NLGN1: variants seen among roughly 807,000 people sequenced by gnomAD.
NLGN1 encodes neuroligin 1.
In NLGN1, 12 loss-of-function variants were observed where a neutral mutation model predicts 65.5. The ratio of observed to expected loss-of-function variants is 0.18; its 90% CI spans 0.12 to 0.30. The LOEUF (loss-of-function observed/expected upper bound fraction) is 0.30, where lower values mean the gene tolerates loss of function less well. NLGN1 is among the 10% of genes least tolerant of loss of function. The probability of loss-of-function intolerance (pLI) is 1.00; values close to 1 mark genes in which losing one functional copy is unlikely to be tolerated. For missense variants in NLGN1, 750 were observed against 1,007.1 expected (o/e 0.74, Z 3.46); for synonymous variants, 350 against 359.5 (o/e 0.97, Z 0.30).
At chr3:173,947,000 A>C (rs1185910682) in intron 4 of NLGN1, among the ~76,000 whole-genome samples, 1 of 151,790 alleles carries the variant, frequency 6.6e-6, no homozygotes, top group Non-Finnish European at 1.5e-5. Context: ...TGTGTAATGT[A>C]GTGAGCAGTG....
chr3:173,580,444 C>A (rs1746211395), intron 2 of NLGN1, among the ~76,000 whole-genome samples: 1 of 151,786 alleles, frequency 6.6e-6, no homozygotes, highest in South Asian at 2.1e-4. Context: ...ATTTCATTTT[C>A]TGAAGAAATT....
chr3:173,818,240 A>G (rs1719442186), intron 4 of NLGN1, among the ~76,000 whole-genome samples: 1 of 152,198 alleles, frequency 6.6e-6, no homozygotes, highest in Non-Finnish European at 1.5e-5. Flanking sequence ...GACATTAAAC[A>G]AATGAACAAA....
intron 4 of NLGN1, among the ~76,000 whole-genome samples, chr3:173,961,746 G>C (rs1713622762): frequency 6.6e-6 from 1 of 152,026 alleles, no homozygotes; most frequent in South Asian, 2.1e-4. Context: ...GAGGATTCAA[G>C]CTTCTAATGA....
At chr3:174,041,655 G>C (rs9829130) in intron 4 of NLGN1, among the ~76,000 whole-genome samples, 1 of 152,006 alleles carries the variant, frequency 6.6e-6, no homozygotes. Flanking sequence ...GTTTGGAGTG[G>C]TATCTCATTG....
At chr3:173,992,324 C>T (rs550109480) in intron 4 of NLGN1, among the ~76,000 whole-genome samples, 9 of 152,114 alleles carry the variant, frequency 5.9e-5, no homozygotes, top group Middle Eastern at 6.8e-3. Flanking sequence ...TGTGTCAGGA[C>T]TCAATTGAAA....
At chr3:174,086,174 A>AGTATATATATGT (rs1466008554) in intron 4 of NLGN1, among the ~76,000 whole-genome samples, 1 of 143,036 alleles carries the variant, frequency 7.0e-6, no homozygotes, top group East Asian at 2.0e-4. Context: ...TATTTGATGA[A>AGTATATATATGT]GTATATATAT....
chr3:173,996,878 T>C lies in NLGN1; in HGVS notation c.646+189046T>C, dbSNP rs575726456. ...GGGGAACACCATAAGAGATGACTTC[T>C]AGACTATCAATGAGACTTTATGTGG... On this transcript the variant is annotated intron_variant, in intron 4 of 6. Coordinates refer to ENST00000457714, the Ensembl canonical transcript of NLGN1. 3.3e-5 allele frequency among the ~76,000 whole-genome samples: 5 copies of C among 152,292 alleles called. No homozygotes were observed. In the South Asian group the frequency reaches 1.0e-3, roughly 32 times the overall value.
chr3:173,860,317 A>C (rs1453721369), intron 4 of NLGN1, among the ~76,000 whole-genome samples: 1 of 152,054 alleles, frequency 6.6e-6, no homozygotes, highest in Non-Finnish European at 1.5e-5. Context: ...TTTGACCCAT[A>C]TATTATTTAA....
At chr3:173,687,116 C>G (rs1577952305) in intron 3 of NLGN1, among the ~76,000 whole-genome samples, 1 of 152,154 alleles carries the variant, frequency 6.6e-6, no homozygotes, top group East Asian at 1.9e-4. Context: ...TGTAAAGAAA[C>G]TCCAAATGGA....
Position 173,977,314 on chromosome 3 carries a change from C to T in NLGN1, c.646+169482C>T, listed in dbSNP as rs556642521. On this transcript the variant is annotated intron_variant, in intron 4 of 6. Coordinates refer to ENST00000457714, the Ensembl canonical transcript of NLGN1. ...AAGCAAATAGGAGGGGGAAACATGT[C>T]TTAAATGGGAGTGGGGATGGGGGAA... 4.6e-5 allele frequency among the ~76,000 whole-genome samples: 7 copies of T among 151,620 alleles called. No individual in the cohort carries two copies. In the East Asian group the frequency reaches 1.4e-3, roughly 30 times the overall value.
chr3:173,586,995 G>A (rs1174704408), intron 2 of NLGN1, among the ~76,000 whole-genome samples: 1 of 152,210 alleles, frequency 6.6e-6, no homozygotes, highest in Non-Finnish European at 1.5e-5. Flanking sequence ...TGAGTGGTAG[G>A]TGGGTTGGAA....
At chr3:173,553,400 A>G (rs529940084) in intron 2 of NLGN1, among the ~76,000 whole-genome samples, 1 of 152,346 alleles carries the variant, frequency 6.6e-6, no homozygotes, top group South Asian at 2.1e-4. Context: ...ACTAGGATCA[A>G]CAAATAGAAT....
intron 4 of NLGN1, among the ~76,000 whole-genome samples, chr3:174,105,947 T>C (rs2152596316): frequency 6.6e-6 from 1 of 152,264 alleles, no homozygotes; most frequent in Non-Finnish European, 1.5e-5. Flanking sequence ...GGATCATTTT[T>C]TGACTGATAT....
intron 4 of NLGN1, among the ~76,000 whole-genome samples, chr3:173,853,400 G>A (rs1439629994): frequency 1.3e-5 from 2 of 152,042 alleles, no homozygotes; most frequent in African/African-American, 2.4e-5. Context: ...TTTATTCAAT[G>A]CTCCATTTTA....
chr3:173,959,829 G>C (rs1311934808), intron 4 of NLGN1, among the ~76,000 whole-genome samples: 1 of 151,950 alleles, frequency 6.6e-6, no homozygotes. Context: ...TTATATGTCA[G>C]GTAAATATTG....
At chr3:173,673,692 T>A (rs1473779313) in intron 3 of NLGN1, among the ~76,000 whole-genome samples, 1 of 152,170 alleles carries the variant, frequency 6.6e-6, no homozygotes, top group Non-Finnish European at 1.5e-5. Context: ...AACATCACAA[T>A]GCAACCTCCA....
At chr3:173,710,938 A>G (rs1023174628) in intron 3 of NLGN1, among the ~76,000 whole-genome samples, 3 of 152,168 alleles carry the variant, frequency 2.0e-5, no homozygotes, top group African/African-American at 7.2e-5. Context: ...ATTTTAAAGC[A>G]TTATTCCAGT....
At chr3:173,706,988 G>A (rs996585920) in intron 3 of NLGN1, among the ~76,000 whole-genome samples, 1 of 152,118 alleles carries the variant, frequency 6.6e-6, no homozygotes, top group Non-Finnish European at 1.5e-5. Flanking sequence ...ATTTTTTATT[G>A]CTCCTGTCAG....
chr3:174,065,446 C>T (rs1738314148), intron 4 of NLGN1, among the ~76,000 whole-genome samples: 1 of 152,038 alleles, frequency 6.6e-6, no homozygotes. Flanking sequence ...TCTCAAAACA[C>T]ATAACCAAAC....
Sources: gnomAD v4.1 joint callset for allele counts (sites outside exome capture counted in the v4.1 genomes callset) on GRCh38, gnomAD v4.1.1 for gene constraint, MANE v1.5 for transcripts, NCBI Gene and HGNC (gene_info 2026-07-23, HGNC 2026-07-21) for gene names.